The following VPS13A variants were observed in gnomAD, a reference collection of about 807,000 sequenced individuals.
VPS13A encodes intermembrane lipid transfer protein VPS13A.
VPS13A carries 264 observed loss-of-function variants against 390.9 expected under a neutral mutation model. The observed-to-expected ratio is 0.68, with a 90% CI of 0.61 to 0.75. VPS13A has a LOEUF of 0.75. VPS13A is among the 30% of genes least tolerant of loss of function. The probability of loss-of-function intolerance (pLI) is 0.00; values close to 1 mark genes in which losing one functional copy is unlikely to be tolerated. For synonymous variants in VPS13A, 1,231 were observed against 1,227.1 expected, an observed-to-expected ratio of 1.00 and a Z score of -0.07; for missense variants, 3,409 against 3,733.9, an observed-to-expected ratio of 0.91 and a Z score of 2.27.
At position 77,344,241 on chromosome 9, in the gene VPS13A, A is replaced by G. The variant is rs1212235073; in HGVS notation, c.7115A>G (p.Asn2372Ser). The G allele has an allele frequency of 1.2e-6, 2 of 1,613,514 alleles. No individual in the cohort carries two copies. The highest frequency in any genetic ancestry group is 2.2e-5 in the South Asian group (2 of 91,028). Residue 2372 changes from asparagine (N) to serine (S), a missense_variant, in exon 51 of 72, where the codon AAC (asparagine) becomes AGC (serine). Asn to Ser is a conservative substitution (Grantham distance 46). Coordinates refer to ENST00000360280, the MANE Select transcript of VPS13A (RefSeq NM_033305.3). ...SEDPPKRIYF[N>S]KQENCILLRL... ...GATCCTCCCAAAAGGATATATTTTA[A>G]CAAGCAGGAAAATTGTATTCTATTG... is the stretch of plus-strand genomic sequence containing the variant.
In VPS13A at chr9:77,368,116, A is replaced by G; in HGVS notation, c.8533A>G (p.Ile2845Val). Residue 2845 changes from isoleucine (I) to valine (V), a missense_variant, in exon 62 of 72, where the codon ATA becomes GTA. Ile to Val is a conservative substitution (Grantham distance 29). Around this residue, in one of 5 missense-constraint regions of VPS13A, gnomAD observed 123 missense variants for 118.7 expected, o/e 1.04. Transcript: ENST00000360280. ...HTTSDLQSEV[I>V]RHYSKQAIKQ... The stretch of plus-strand genomic sequence containing the variant: ...AACATCCGATCTACAGTCTGAAGTC[A>G]TAAGACACTATTCAAAACAGGTTTG... 2.5e-6 allele frequency: 4 copies of G among 1,612,160 alleles called. No individual in the cohort carries two copies. The highest frequency in any genetic ancestry group is 3.4e-6 in the Non-Finnish European group (4 of 1,179,344).
At chr9:77,373,443 C>T (rs1263965110) in intron 67 of VPS13A, among the ~76,000 whole-genome samples, 1 of 125,266 alleles carries the variant, frequency 8.0e-6, no homozygotes, top group Non-Finnish European at 1.8e-5. Flanking sequence ...ATGTAGAAAG[C>T]TGAAACTGGA....
chr9:77,212,024 C>T (rs1826000733), intron 7 of VPS13A, among the ~76,000 whole-genome samples: 1 of 152,114 alleles, frequency 6.6e-6, no homozygotes, highest in Admixed American at 6.6e-5. Flanking sequence ...TGAAACTGGT[C>T]GTTGGTGCCA....
chr9:77,297,590 G>A (rs1398606795), intron 33 of VPS13A, among the ~76,000 whole-genome samples: 2 of 151,404 alleles, frequency 1.3e-5, no homozygotes, highest in African/African-American at 4.9e-5. Context: ...GGGGGGGCAG[G>A]GTTGTTTCAA....
intron 68 of VPS13A, chr9:77,384,944 C>CT (rs1833618130): frequency 1.6e-6 from 2 of 1,214,488 alleles, no homozygotes; most frequent in African/African-American, 3.1e-5. Context: ...CATAGTTTGT[C>CT]TTTAAGAGTT....
rs745405504 is a variant in VPS13A at position 77,344,215 on chromosome 9, A to G, written c.7089A>G (p.Glu2363=). 6.2e-7 allele frequency: 1 copy of G among 1,613,140 alleles called. No individual in the cohort carries two copies. Among genetic ancestry groups the G allele is most frequent in the South Asian group, 1.1e-5 (1 of 91,068 alleles). ...TTCTTATTCAAGTCGAAAGGAGTGA[A>G]GATCCTCCCAAAAGGATATATTTTA... is the stretch of plus-strand genomic sequence containing the variant. ...SKLLIQVERS[E]DPPKRIYFNK... The change falls in exon 51 of 72, where the codon GAA becomes GAG. Residue 2363 remains glutamate, a synonymous_variant. Coordinates refer to ENST00000360280, the MANE Select transcript of VPS13A (RefSeq NM_033305.3).
chr9:77,364,242 T>G (rs932782901), intron 59 of VPS13A, among the ~76,000 whole-genome samples: 1 of 151,948 alleles, frequency 6.6e-6, no homozygotes, highest in Non-Finnish European at 1.5e-5. Flanking sequence ...CCTGGCAACA[T>G]AGTGAAACCC....
rs180946381 is a variant in VPS13A at position 77,302,668 on chromosome 9, G to A, written c.3813-247G>A. On this transcript the variant is annotated intron_variant, in intron 33 of 71. Coordinates refer to ENST00000360280, the MANE Select transcript of VPS13A (RefSeq NM_033305.3). ...GGATTACAGGTGTAAGCTACTGTGC[G>A]TAGCTCTATTTCTGTATAATATAGA... Among the ~76,000 whole-genome samples the A allele has an allele frequency of 2.6e-4, 40 of 151,958 alleles. No individual in the cohort carries two copies. The East Asian group carries it at 5.2e-3, about 20-fold the overall frequency.
chr9:77,399,133 A>G (rs1834243300), intron 68 of VPS13A, among the ~76,000 whole-genome samples: 1 of 143,160 alleles, frequency 7.0e-6, no homozygotes, highest in Non-Finnish European at 1.5e-5. Flanking sequence ...TAACCTGCAC[A>G]ATGTGCACAT....
chr9:77,186,350 C>T (rs1343155439), intron 1 of VPS13A, among the ~76,000 whole-genome samples: 2 of 152,064 alleles, frequency 1.3e-5, no homozygotes. Flanking sequence ...CTTAATTTAC[C>T]TTCATCTCTT....
At chr9:77,255,154 G>T (rs62573199) in intron 22 of VPS13A, among the ~76,000 whole-genome samples, 15,562 of 152,028 alleles carry the variant, frequency 0.1, 826 homozygotes, top group Middle Eastern at 0.13. Flanking sequence ...TTATTATGTT[G>T]AGGTAGTTTC....
In VPS13A at chr9:77,366,789, AG is replaced by A. The variant is rs748941459; in HGVS notation, c.8390del (p.Gly2797AspfsTer2). On this transcript the variant is annotated frameshift_variant, in exon 61 of 72. Coordinates refer to ENST00000360280, the MANE Select transcript of VPS13A (RefSeq NM_033305.3). LOFTEE classifies it high-confidence loss of function. Reference protein sequence around the residue: ...EEAKDSKQNGGLIPVHSLNLL... With the variant: ...EEAKDSKQNGXLIPVHSLNLL... ...AAGCTAAAGATTCAAAACAAAATGG[AG>A]GACTGATTCCAGTTCATTCTTTAAA... The A allele has an allele frequency of 6.2e-7, 1 of 1,613,296 alleles. No homozygotes were observed. The highest frequency in any genetic ancestry group is 8.5e-7 in the Non-Finnish European group (1 of 1,179,466).
rs1830315908 is a variant in VPS13A, at chr9:77,332,246, TA to T, written c.6095+134del. 4 of 667,956 alleles carry T rather than the reference TA, an allele frequency of 6.0e-6. No homozygotes were observed. In the South Asian group the frequency reaches 7.1e-5, roughly 12 times the overall value. The allele number at this position is 667,956 out of a possible 1,614,324, so 41.4% of individuals were successfully genotyped here. A position where few individuals can be genotyped will look rare whatever the true frequency, so the allele number is the denominator to read the frequency against. On this transcript the variant is annotated intron_variant, in intron 46 of 71. Transcript: ENST00000360280. ...TAACGTATTTAGGTTTCAGTGCACT[TA>T]GATCTTAAAAAAGAAGTATTATTTA...
At chr9:77,214,461 A>G in intron 10 of VPS13A, 75 bp downstream of exon 10, 9 of 1,213,246 alleles carry the variant, frequency 7.4e-6, no homozygotes, top group African/African-American at 3.0e-5. Flanking sequence ...TGTTGCTATC[A>G]CTGTGCTAGT....
chr9:77,249,127 C>CA (rs1825005594), intron 20 of VPS13A, among the ~76,000 whole-genome samples: 2 of 152,156 alleles, frequency 1.3e-5, no homozygotes, highest in Admixed American at 6.5e-5. Flanking sequence ...GAATATCTAT[C>CA]ACAATTTAAA....
intron 35 of VPS13A, 88 bp from the exon 36 acceptor site, chr9:77,313,904 A>G (rs1226027165): frequency 2.2e-6 from 3 of 1,381,970 alleles, no homozygotes; most frequent in East Asian, 2.5e-5. Flanking sequence ...TACCTGTTTA[A>G]TAATTCTATT....
At chr9:77,217,596 G>C (rs929414070) in intron 10 of VPS13A, among the ~76,000 whole-genome samples, 1 of 152,128 alleles carries the variant, frequency 6.6e-6, no homozygotes, top group Admixed American at 6.5e-5. Flanking sequence ...TTTCACTTAA[G>C]ATAATGGCCT....
chr9:77,185,399 C>T (rs1484054487), intron 1 of VPS13A, among the ~76,000 whole-genome samples: 2 of 152,110 alleles, frequency 1.3e-5, no homozygotes, highest in Non-Finnish European at 2.9e-5. Context: ...CTTGGCCTCC[C>T]AAAGTGCTGG....
chr9:77,289,075 T>G (rs987057991), intron 31 of VPS13A, among the ~76,000 whole-genome samples: 2 of 152,198 alleles, frequency 1.3e-5, no homozygotes, highest in Non-Finnish European at 2.9e-5. Flanking sequence ...CCTTTAGCTT[T>G]TAATGGATGT....
Sources: allele counts gnomAD v4.1 joint callset (sites outside exome capture counted in the v4.1 genomes callset), GRCh38; gene constraint gnomAD v4.1.1; regional missense constraint gnomAD v4.1.1; transcripts MANE v1.5; gene names NCBI Gene and HGNC (gene_info 2026-07-23, HGNC 2026-07-21).